Variants in KMT5B observed in about 807,000 individuals in gnomAD.
KMT5B encodes lysine methyltransferase 5B.
In KMT5B, 10 loss-of-function variants were observed where a neutral mutation model predicts 83.2. That is an observed-to-expected ratio of 0.12 (90% confidence interval 0.07 to 0.20). The LOEUF is 0.20. Ranked by LOEUF, KMT5B falls within the 10% of genes least tolerant of loss-of-function variation. KMT5B has a pLI of 1.00. For missense variants in KMT5B, 753 were observed against 1,067.2 expected (o/e 0.71, Z 4.10); for synonymous variants, 349 against 388.8 (o/e 0.90, Z 1.20).
At chr11:68,195,371 TTTTCCCCA>T (rs1472098243) in intron 1 of KMT5B, among the ~76,000 whole-genome samples, 1 of 152,144 alleles carries the variant, frequency 6.6e-6, no homozygotes, top group Non-Finnish European at 1.5e-5. Context: ...GCTGATCATA[TTTTCCCCA>T]TCCACCTCAC....
At chr11:68,197,269 G>A (rs1051184303) in intron 1 of KMT5B, among the ~76,000 whole-genome samples, 12 of 152,092 alleles carry the variant, frequency 7.9e-5, no homozygotes, top group Admixed American at 1.3e-4. Context: ...CACCACGCCC[G>A]GCCATGGAAA....
chr11:68,193,004 T>C (rs1425645044), intron 1 of KMT5B, among the ~76,000 whole-genome samples: 1 of 152,198 alleles, frequency 6.6e-6, no homozygotes, highest in Non-Finnish European at 1.5e-5. Flanking sequence ...GAAATGAGGA[T>C]ATTATACATC....
In KMT5B at chr11:68,198,891, G is replaced by A. The variant is rs114933310; in HGVS notation, c.-76-8739C>T. On this transcript the variant is annotated intron_variant, in intron 1 of 10. Coordinates refer to ENST00000304363, the MANE Select transcript of KMT5B (RefSeq NM_017635.5). ...ACTGCAGATGCACGCCATCACACCC[G>A]GCTGATTTTTTGTATTTCTAGTAAA... Among the ~76,000 whole-genome samples, 950 of 152,166 alleles carry A rather than the reference G, an allele frequency of 6.2e-3. 7 individuals are homozygous for A. Among genetic ancestry groups the A allele is most frequent in the African/African-American group, 0.022 (913 of 41,522 alleles).
intron 1 of KMT5B, among the ~76,000 whole-genome samples, chr11:68,194,940 C>A (rs7950452): frequency 0.45 from 67,648 of 151,668 alleles, 15,677 homozygotes; most frequent in East Asian, 0.64. Context: ...TCTGGGAGAC[C>A]AAGGCAAGAG....
At position 68,168,037 on chromosome 11, in the gene KMT5B, G is replaced by A. The variant is rs533564185; in HGVS notation, c.978-859C>T. 1.2e-3 allele frequency among the ~76,000 whole-genome samples: 182 copies of A among 152,200 alleles called. 1 individual carries two copies. The highest frequency in any genetic ancestry group is 4.1e-3 in the African/African-American group (171 of 41,544). ...AAATACAAAAAAAAATTAGCCCGGC[G>A]TGATGGCAGGCGCCTGTAGTCCCAG... On this transcript the variant is annotated intron_variant, in intron 9 of 10. Transcript: ENST00000304363.
chr11:68,161,318 G>C (rs2153042734), intron 10 of KMT5B, among the ~76,000 whole-genome samples: 2 of 152,270 alleles, frequency 1.3e-5, no homozygotes, highest in South Asian at 4.2e-4. Context: ...AAAGACACTA[G>C]TGAAGAAAGG....
chr11:68,208,695 A>G (rs866854354), intron 1 of KMT5B, among the ~76,000 whole-genome samples: 3 of 152,076 alleles, frequency 2.0e-5, no homozygotes, highest in African/African-American at 7.2e-5. Context: ...AATTGTAAAT[A>G]TAAAAACAAG....
chr11:68,175,618 G>A (rs1856288366), intron 4 of KMT5B, among the ~76,000 whole-genome samples: 1 of 152,148 alleles, frequency 6.6e-6, no homozygotes, highest in Non-Finnish European at 1.5e-5. Flanking sequence ...AGAATGACAA[G>A]AATCTTTTTA....
At chr11:68,170,580 A>G (rs561235025) in intron 9 of KMT5B, among the ~76,000 whole-genome samples, 9 of 152,326 alleles carry the variant, frequency 5.9e-5, no homozygotes, top group African/African-American at 1.9e-4. Flanking sequence ...TGAATGACTG[A>G]TATCAGGGAA....
intron 1 of KMT5B, among the ~76,000 whole-genome samples, chr11:68,191,456 C>T (rs541551271): frequency 3.3e-5 from 5 of 152,200 alleles, no homozygotes; most frequent in African/African-American, 7.2e-5. Context: ...GCCTCAGTCT[C>T]CTGAGTAGGT....
intron 10 of KMT5B, among the ~76,000 whole-genome samples, chr11:68,162,677 T>C (rs1484459036): frequency 6.6e-6 from 1 of 152,214 alleles, no homozygotes; most frequent in Non-Finnish European, 1.5e-5. Context: ...CCAAAGCACT[T>C]TTATGTGTTT....
intron 1 of KMT5B, among the ~76,000 whole-genome samples, chr11:68,209,608 CT>C (rs1163953655): frequency 1.3e-5 from 2 of 152,144 alleles, no homozygotes; most frequent in African/African-American, 4.8e-5. Flanking sequence ...ACTGGTTCCC[CT>C]AACATGCAGG....
chr11:68,160,378 G>T (rs762009501), intron 10 of KMT5B, among the ~76,000 whole-genome samples: 1 of 152,118 alleles, frequency 6.6e-6, no homozygotes, highest in Non-Finnish European at 1.5e-5. Flanking sequence ...CAATTACTTA[G>T]TTCTTGCAGG....
In KMT5B at chr11:68,159,805, G is replaced by T. The variant is rs76552928; in HGVS notation, c.1175-634C>A. ...GTCCCCTTCAACTCCGTGAGGAACA[G>T]AAGAGGCAACCAGTGGGCTGTCAAC... On this transcript the variant is annotated intron_variant, in intron 10 of 10. Coordinates refer to ENST00000304363, the MANE Select transcript of KMT5B (RefSeq NM_017635.5). Among the ~76,000 whole-genome samples, 544 of 152,364 alleles carry T rather than the reference G, an allele frequency of 3.6e-3. 3 individuals carry two copies. Among genetic ancestry groups the T allele is most frequent in the Middle Eastern group, 0.01 (3 of 294 alleles).
chr11:68,179,512 T>G (rs1283464577), intron 4 of KMT5B: 2 of 1,304,068 alleles, frequency 1.5e-6, no homozygotes, highest in African/African-American at 1.5e-5. Flanking sequence ...CAGGTTTTCT[T>G]GCTATTTGGT....
At chr11:68,160,277 C>T (rs1319262650) in intron 10 of KMT5B, among the ~76,000 whole-genome samples, 2 of 152,174 alleles carry the variant, frequency 1.3e-5, no homozygotes, top group Non-Finnish European at 2.9e-5. Flanking sequence ...GTGTCTCTGA[C>T]CTTGCCACTG....
chr11:68,180,246 A>G (rs1184665742), intron 3 of KMT5B, 46 bp from the exon 4 acceptor site: 12 of 1,533,590 alleles, frequency 7.8e-6, no homozygotes, highest in Non-Finnish European at 9.7e-6. Flanking sequence ...AGCTATTTGT[A>G]TAATCTGTAC....
Position 68,157,835 on chromosome 11 carries a change from CTCT to C in KMT5B, c.2508_2510del (p.Glu838del), listed in dbSNP as rs764684646. 48 of 1,614,046 alleles carry C rather than the reference CTCT, an allele frequency of 3.0e-5. No homozygotes were observed. Among genetic ancestry groups the C allele is most frequent in the African/African-American group, 1.3e-4 (10 of 74,920 alleles). On this transcript the variant is annotated inframe_deletion, in exon 11 of 11. Transcript: ENST00000304363. Reference sequence around the variant, plus strand: ...CAAAGTCATCATCATAGTCATCCTCCTCTTCATCGCCCTCAGAAGAGGAGGAAT... The same window carrying C: ...CAAAGTCATCATCATAGTCATCCTCCTCATCGCCCTCAGAAGAGGAGGAAT...
intron 3 of KMT5B, among the ~76,000 whole-genome samples, chr11:68,182,770 CTT>C (rs1857066444): frequency 7.0e-6 from 1 of 142,980 alleles, no homozygotes; most frequent in South Asian, 2.2e-4. Context: ...GAGTTTCGCT[CTT>C]GTTGCCCAGG....
Sources: gnomAD v4.1 joint callset for allele counts (sites outside exome capture counted in the v4.1 genomes callset) on GRCh38, gnomAD v4.1.1 for gene constraint, MANE v1.5 for transcripts, NCBI Gene and HGNC (gene_info 2026-07-23, HGNC 2026-07-21) for gene names.